The following FOXN3 variants were observed in gnomAD, a reference collection of about 807,000 sequenced individuals.
The protein encoded by FOXN3 is forkhead box protein N3.
Under a neutral mutation model 38.4 loss-of-function variants are expected in FOXN3, and 7 were observed. That is an observed-to-expected ratio of 0.18 (90% CI 0.10 to 0.34). The LOEUF is 0.34. FOXN3 is among the 10% of genes least tolerant of loss of function. FOXN3 has a pLI of 1.00. For synonymous variants in FOXN3, 230 were observed against 242.2 expected, an observed-to-expected ratio of 0.95 and a Z score of 0.47; for missense variants, 456 against 613.4, an observed-to-expected ratio of 0.74 and a Z score of 2.71.
At chr14:89,555,221 G>A (rs925567662) in intron 1 of FOXN3, among the ~76,000 whole-genome samples, 1 of 152,128 alleles carries the variant, frequency 6.6e-6, no homozygotes, top group Non-Finnish European at 1.5e-5. Flanking sequence ...GCCTTACACT[G>A]TACAAGTGCA....
chr14:89,351,587 T>C (rs961344980), intron 2 of FOXN3, among the ~76,000 whole-genome samples: 1 of 152,214 alleles, frequency 6.6e-6, no homozygotes. Flanking sequence ...AGCCTATTTT[T>C]AAAAATGTAA....
At chr14:89,182,271 C>T (rs1295030194) in intron 4 of FOXN3, among the ~76,000 whole-genome samples, 1 of 152,210 alleles carries the variant, frequency 6.6e-6, no homozygotes, top group South Asian at 2.1e-4. Context: ...TGAATGTCCA[C>T]TATTGAATAC....
At chr14:89,171,966 T>A (rs1887401231) in intron 5 of FOXN3, among the ~76,000 whole-genome samples, 3 of 152,154 alleles carry the variant, frequency 2.0e-5, no homozygotes, top group Admixed American at 6.5e-5. Flanking sequence ...CACAGAAGAA[T>A]CTATAAACTG....
intron 4 of FOXN3, among the ~76,000 whole-genome samples, chr14:89,206,488 G>T (rs149699671): frequency 1.3e-3 from 201 of 152,296 alleles, no homozygotes; most frequent in African/African-American, 4.6e-3. Flanking sequence ...AGATTGGAAG[G>T]GTAAGATCGA....
chr14:89,574,335 T>G (rs1353481665), intron 1 of FOXN3, among the ~76,000 whole-genome samples: 1 of 152,210 alleles, frequency 6.6e-6, no homozygotes, highest in South Asian at 2.1e-4. Flanking sequence ...AGAGGCATGG[T>G]CTAATAAGGA....
At position 89,391,727 on chromosome 14, in the gene FOXN3, G is replaced by A. The variant is rs114705775; in HGVS notation, c.543+20207C>T. Among the ~76,000 whole-genome samples, 450 of 152,262 alleles carry A rather than the reference G, an allele frequency of 3.0e-3. 2 individuals are homozygous for A. The highest frequency in any genetic ancestry group is 0.01 in the African/African-American group (420 of 41,550). On this transcript the variant is annotated intron_variant, in intron 2 of 5. Transcript: ENST00000557258. ...AGCTAATAAAACTGGAACCCTGGCC[G>A]GGCGCGGTGGCTCATGCCTGTAATC... is the stretch of plus-strand genomic sequence containing the variant.
rs545579365 is a variant in FOXN3, at chr14:89,163,479, C to T, written c.852-510G>A. On this transcript the variant is annotated intron_variant, in intron 5 of 5. Transcript: ENST00000557258. This position sits in a 1 kb window ranked among gnomAD's most constrained non-coding sequence, Gnocchi z 4.3. Reference sequence around the variant, plus strand: ...TGACAGCTACTCACTCATGCATTCCCTCCCTCGTTCATGCAATCTACAAAT... The same window carrying T: ...TGACAGCTACTCACTCATGCATTCCTTCCCTCGTTCATGCAATCTACAAAT... Among the ~76,000 whole-genome samples the T allele has an allele frequency of 6.6e-6, 1 of 152,300 alleles. No homozygotes were observed. Among genetic ancestry groups the T allele is most frequent in the East Asian group, 1.9e-4 (1 of 5,180 alleles).
chr14:89,390,217 C>T (rs1890902627), intron 2 of FOXN3, among the ~76,000 whole-genome samples: 1 of 141,926 alleles, frequency 7.0e-6, no homozygotes, highest in South Asian at 2.2e-4. Context: ...CAGAGTGAGA[C>T]TCCCTTTAAA....
intron 5 of FOXN3, among the ~76,000 whole-genome samples, chr14:89,178,294 C>A (rs1272772936): frequency 6.6e-6 from 1 of 152,102 alleles, no homozygotes; most frequent in Non-Finnish European, 1.5e-5. Context: ...CAGGCGTGAG[C>A]CAATGTGCCC....
chr14:89,308,304 G>GA (rs1162595847), intron 3 of FOXN3, among the ~76,000 whole-genome samples: 4 of 152,128 alleles, frequency 2.6e-5, no homozygotes, highest in Admixed American at 2.0e-4. Flanking sequence ...GAAGACAAAT[G>GA]AAAAAATTGT....
upstream of FOXN3, among the ~76,000 whole-genome samples, chr14:89,422,197 G>A (rs1891929071): frequency 6.6e-6 from 1 of 152,212 alleles, no homozygotes; most frequent in Admixed American, 6.5e-5. Context: ...GTTATAAGGG[G>A]GTTGAGGGGG....
chr14:89,451,325 C>G (rs1221494064), intron 1 of FOXN3, among the ~76,000 whole-genome samples: 1 of 152,174 alleles, frequency 6.6e-6, no homozygotes, highest in Admixed American at 6.5e-5. Flanking sequence ...AAGGCAAAGA[C>G]AGTTTGGTAA....
At chr14:89,286,611 G>A (rs1398497061) in intron 3 of FOXN3, among the ~76,000 whole-genome samples, 1 of 152,140 alleles carries the variant, frequency 6.6e-6, no homozygotes, top group Non-Finnish European at 1.5e-5. Flanking sequence ...GTAACAAAGG[G>A]AGAATCACCC....
chr14:89,444,244 A>G (rs892346011), intron 1 of FOXN3, among the ~76,000 whole-genome samples: 7 of 151,702 alleles, frequency 4.6e-5, no homozygotes, highest in African/African-American at 1.7e-4. Context: ...AAATTGAAAC[A>G]CAGGAAATAG....
intron 4 of FOXN3, among the ~76,000 whole-genome samples, chr14:89,216,527 CCTG>C (rs1407525822): frequency 6.6e-6 from 1 of 152,144 alleles, no homozygotes; most frequent in African/African-American, 2.4e-5. Flanking sequence ...AGTCTCCCTC[CCTG>C]CTATCCCACT....
intron 3 of FOXN3, among the ~76,000 whole-genome samples, chr14:89,318,289 G>A (rs990505518): frequency 4.0e-5 from 6 of 151,516 alleles, no homozygotes; most frequent in Non-Finnish European, 8.8e-5. Flanking sequence ...CACCCAAGTA[G>A]CTGGGATTAC....
intron 2 of FOXN3, among the ~76,000 whole-genome samples, chr14:89,406,240 C>G (rs977040066): frequency 4.0e-5 from 6 of 151,490 alleles, no homozygotes; most frequent in African/African-American, 1.5e-4. Flanking sequence ...AGCCACAGTG[C>G]GCAGCCCTAC....
At chr14:89,505,273 TC>T in intron 1 of FOXN3, among the ~76,000 whole-genome samples, 1 of 150,726 alleles carries the variant, frequency 6.6e-6, no homozygotes, top group South Asian at 2.1e-4. Context: ...TCCCTCTCCT[TC>T]TCCCTCCCCC....
intron 3 of FOXN3, among the ~76,000 whole-genome samples, chr14:89,301,862 C>T (rs927432209): frequency 6.6e-6 from 1 of 152,126 alleles, no homozygotes; most frequent in African/African-American, 2.4e-5. Context: ...TGTCTTTGTC[C>T]TGATACTTCC....
Sources: allele counts gnomAD v4.1 joint callset (sites outside exome capture counted in the v4.1 genomes callset), GRCh38; gene constraint gnomAD v4.1.1; non-coding constraint Gnocchi (gnomAD v3.1); transcripts MANE v1.5; gene names NCBI Gene and HGNC (gene_info 2026-07-23, HGNC 2026-07-21).